Variants in SOX5 observed in about 807,000 individuals in gnomAD.
SOX5 encodes SRY-box transcription factor 5, also known as transcription factor SOX-5.
A neutral mutation model predicts 92.0 loss-of-function variants in SOX5; 9 were observed. That is an observed-to-expected ratio of 0.10 (90% CI 0.06 to 0.17). The LOEUF (loss-of-function observed/expected upper bound fraction) is 0.17. SOX5 is among the 10% of genes least tolerant of loss of function. The pLI, the probability that SOX5 is intolerant of heterozygous loss-of-function variation, is 1.00. For missense variants in SOX5, 642 were observed against 944.5 expected, an observed-to-expected ratio of 0.68 and a Z score of 4.20; for synonymous variants, 344 against 336.3, an observed-to-expected ratio of 1.02 and a Z score of -0.25.
At chr12:23,585,163 G>T (rs1192447082) in intron 9 of SOX5, among the ~76,000 whole-genome samples, 1 of 152,136 alleles carries the variant, frequency 6.6e-6, no homozygotes, top group African/African-American at 2.4e-5. Context: ...ATTTTGACTT[G>T]TGAATAACAG....
intron 4 of SOX5, among the ~76,000 whole-genome samples, chr12:23,980,718 A>G (rs935079328): frequency 6.6e-6 from 1 of 151,800 alleles, no homozygotes; most frequent in East Asian, 1.9e-4. Context: ...GCCCTGCTGT[A>G]TCTTATGTTT....
intron 4 of SOX5, among the ~76,000 whole-genome samples, chr12:24,084,759 C>T (rs979571741): frequency 6.6e-6 from 1 of 151,976 alleles, no homozygotes; most frequent in Admixed American, 6.6e-5. Flanking sequence ...CAGTGTAAAC[C>T]CAAAAGGCAT....
At chr12:23,910,881 C>T (rs916283221) in intron 1 of SOX5, among the ~76,000 whole-genome samples, 1 of 152,052 alleles carries the variant, frequency 6.6e-6, no homozygotes, top group Non-Finnish European at 1.5e-5. Context: ...TCAGAGTAAA[C>T]TATTATCTAT....
chr12:24,013,271 G>A (rs971346081), intron 4 of SOX5, among the ~76,000 whole-genome samples: 5 of 152,094 alleles, frequency 3.3e-5, no homozygotes, highest in African/African-American at 1.2e-4. Flanking sequence ...AGGCTAGTCT[G>A]AACAGTGTTG....
At chr12:24,547,001 G>A (rs112804594) in intron 1 of SOX5, among the ~76,000 whole-genome samples, 5 of 151,986 alleles carry the variant, frequency 3.3e-5, no homozygotes, top group African/African-American at 1.2e-4. Context: ...ATATGCTCAG[G>A]AAGACACACG....
chr12:24,424,281 C>G (rs1966376573), intron 1 of SOX5, among the ~76,000 whole-genome samples: 1 of 152,036 alleles, frequency 6.6e-6, no homozygotes, highest in African/African-American at 2.4e-5. Flanking sequence ...TAGTAATAAC[C>G]CAATTATCGT....
intron 3 of SOX5, among the ~76,000 whole-genome samples, chr12:23,824,618 C>T (rs1290489094): frequency 6.6e-6 from 1 of 152,110 alleles, no homozygotes; most frequent in African/African-American, 2.4e-5. Context: ...GGCAGTCTGC[C>T]GGGAGATCCA....
At chr12:24,184,136 A>C (rs1955790970) in intron 4 of SOX5, among the ~76,000 whole-genome samples, 1 of 152,190 alleles carries the variant, frequency 6.6e-6, no homozygotes, top group Admixed American at 6.5e-5. Context: ...GTAGAGATAA[A>C]TGGACAATTA....
chr12:24,261,569 C>G (rs1236270239), intron 3 of SOX5, among the ~76,000 whole-genome samples: 4 of 152,182 alleles, frequency 2.6e-5, no homozygotes, highest in Non-Finnish European at 5.9e-5. Context: ...TGAATATTGA[C>G]ACTTCCCCTA....
chr12:23,597,552 G>A (rs1351277554), intron 9 of SOX5, among the ~76,000 whole-genome samples: 2 of 152,106 alleles, frequency 1.3e-5, no homozygotes, highest in Non-Finnish European at 2.9e-5. Flanking sequence ...TAGCAACACA[G>A]AACCACAAAA....
rs1939433823 is a variant in SOX5, at chr12:23,533,111, G to T, written c.*1108C>A. The T allele has an allele frequency of 2.2e-6, 1 of 453,146 alleles. No homozygotes were observed. Among genetic ancestry groups the T allele is most frequent in the South Asian group, 1.6e-5 (1 of 64,014 alleles). 28.1% of individuals were successfully genotyped at this position (453,146 alleles called of 1,614,324 possible). ...TCTGAGCCCTATACTTGGTTAAGTT[G>T]TCATTTGAAGTGCAAAGTCAAGGTC... On this transcript the variant is annotated 3_prime_UTR_variant, in exon 15 of 15. Coordinates refer to ENST00000451604, the MANE Select transcript of SOX5 (RefSeq NM_006940.6).
intron 2 of SOX5, among the ~76,000 whole-genome samples, chr12:23,866,869 T>C (rs1306814652): frequency 8.5e-5 from 13 of 152,304 alleles, no homozygotes; most frequent in Non-Finnish European, 7.4e-5. Flanking sequence ...GATCTTGACA[T>C]TGTGTTGCTG....
intron 6 of SOX5, among the ~76,000 whole-genome samples, chr12:23,720,228 A>G (rs1165360581): frequency 6.6e-6 from 1 of 152,232 alleles, no homozygotes; most frequent in African/African-American, 2.4e-5. Context: ...AATAAATGGT[A>G]GAATAGAAAG....
At chr12:23,813,406 C>T (rs2095915714) in intron 3 of SOX5, among the ~76,000 whole-genome samples, 3 of 152,042 alleles carry the variant, frequency 2.0e-5, no homozygotes, top group South Asian at 2.1e-4. Context: ...CTCAGGGACA[C>T]CCAGAGAAGA....
intron 1 of SOX5, among the ~76,000 whole-genome samples, chr12:24,426,538 T>C (rs1182561067): frequency 2.0e-5 from 3 of 152,216 alleles, no homozygotes; most frequent in African/African-American, 7.2e-5. Flanking sequence ...CTCACATTTA[T>C]CATTGAAGGT....
At chr12:24,240,623 G>T (rs1965384348) in intron 3 of SOX5, among the ~76,000 whole-genome samples, 1 of 152,058 alleles carries the variant, frequency 6.6e-6, no homozygotes, top group Non-Finnish European at 1.5e-5. Context: ...CAGTAAGAAA[G>T]AAATAAAAAC....
intron 3 of SOX5, among the ~76,000 whole-genome samples, chr12:24,267,670 G>A (rs144352446): frequency 2.0e-5 from 3 of 151,908 alleles, no homozygotes; most frequent in Non-Finnish European, 4.4e-5. Flanking sequence ...CAACTTCTTT[G>A]TCTTTCTAAA....
At chr12:24,196,130 C>T (rs532077070) in intron 4 of SOX5, among the ~76,000 whole-genome samples, 2 of 152,360 alleles carry the variant, frequency 1.3e-5, no homozygotes, top group African/African-American at 2.4e-5. Flanking sequence ...TGTGATCCGC[C>T]TGCATCAGCC....
chr12:23,715,666 A>G (rs1489172709), intron 6 of SOX5, among the ~76,000 whole-genome samples: 2 of 152,164 alleles, frequency 1.3e-5, no homozygotes, highest in African/African-American at 2.4e-5. Context: ...TGGAGGCAAG[A>G]CGCCAGTTGT....
Sources: allele counts gnomAD v4.1 joint callset (sites outside exome capture counted in the v4.1 genomes callset), GRCh38; gene constraint gnomAD v4.1.1; transcripts MANE v1.5; gene names NCBI Gene and HGNC (gene_info 2026-07-23, HGNC 2026-07-21).